Variants in KIAA1549L observed in about 807,000 individuals in gnomAD.
The protein encoded by KIAA1549L is KIAA1549 like.
KIAA1549L carries 88 observed loss-of-function variants against 160.7 expected under a neutral mutation model. The observed-to-expected ratio is 0.55, with a 90% CI of 0.46 to 0.65. The LOEUF (loss-of-function observed/expected upper bound fraction) is 0.65, where lower values mean the gene tolerates loss of function less well. Among genes scored for constraint, KIAA1549L ranks in the 30% least tolerant of loss-of-function variants. The pLI is 0.00. For missense variants in KIAA1549L, 2,258 were observed against 2,437.5 expected (o/e 0.93, Z 1.55); for synonymous variants, 950 against 976.7 (o/e 0.97, Z 0.51).
intron 1 of KIAA1549L, among the ~76,000 whole-genome samples, chr11:33,443,891 A>G (rs1277576012): frequency 6.6e-6 from 1 of 152,250 alleles, no homozygotes; most frequent in African/African-American, 2.4e-5. Context: ...AAATGAGGAA[A>G]TGGAGCTGGC....
intron 1 of KIAA1549L, among the ~76,000 whole-genome samples, chr11:33,384,780 T>C (rs1259763013): frequency 1.3e-5 from 2 of 152,194 alleles, no homozygotes; most frequent in African/African-American, 4.8e-5. Flanking sequence ...TGTTAAGTTA[T>C]TTTGCCCATT....
At chr11:33,526,910 A>G (rs181417238) in intron 1 of KIAA1549L, among the ~76,000 whole-genome samples, 1 of 152,324 alleles carries the variant, frequency 6.6e-6, no homozygotes, top group East Asian at 1.9e-4. Flanking sequence ...AAAAAATAAT[A>G]GAGGATATGG....
At chr11:33,422,312 C>T (rs1190048062) in intron 1 of KIAA1549L, among the ~76,000 whole-genome samples, 1 of 152,118 alleles carries the variant, frequency 6.6e-6, no homozygotes, top group African/African-American at 2.4e-5. Flanking sequence ...GTATTCCTTC[C>T]CCAATACATT....
intron 17 of KIAA1549L, among the ~76,000 whole-genome samples, chr11:33,647,926 A>G (rs1213906604): frequency 6.6e-6 from 1 of 152,216 alleles, no homozygotes; most frequent in Non-Finnish European, 1.5e-5. Flanking sequence ...AGCCACCTAC[A>G]GTGGAAAAGG....
intron 1 of KIAA1549L, among the ~76,000 whole-genome samples, chr11:33,529,749 T>C (rs1349874038): frequency 6.6e-6 from 1 of 152,202 alleles, no homozygotes; most frequent in Non-Finnish European, 1.5e-5. Flanking sequence ...CCATAAATAT[T>C]TGTGGAATAA....
intron 16 of KIAA1549L, among the ~76,000 whole-genome samples, chr11:33,630,175 C>G (rs1259073508): frequency 6.6e-6 from 1 of 151,852 alleles, no homozygotes; most frequent in Non-Finnish European, 1.5e-5. Context: ...GACCACAGCT[C>G]TCTTCAAAGC....
intron 16 of KIAA1549L, among the ~76,000 whole-genome samples, chr11:33,634,668 T>TAATG (rs1851391871): frequency 6.6e-6 from 1 of 152,192 alleles, no homozygotes; most frequent in Non-Finnish European, 1.5e-5. Flanking sequence ...GGGCAGTGAG[T>TAATG]AATGCTGAGA....
intron 1 of KIAA1549L, among the ~76,000 whole-genome samples, chr11:33,439,686 C>T (rs1320182423): frequency 6.6e-6 from 1 of 151,580 alleles, no homozygotes; most frequent in East Asian, 1.9e-4. Flanking sequence ...GCTGGGATTA[C>T]AGCCACCGTG....
intron 13 of KIAA1549L, among the ~76,000 whole-genome samples, chr11:33,604,506 A>T (rs1056508260): frequency 1.3e-5 from 2 of 152,214 alleles, no homozygotes; most frequent in Admixed American, 6.5e-5. Flanking sequence ...ACACTTGCAC[A>T]TGTGTGTTTA....
intron 1 of KIAA1549L, among the ~76,000 whole-genome samples, chr11:33,405,554 C>T (rs1347181949): frequency 1.4e-5 from 2 of 141,488 alleles, no homozygotes; most frequent in African/African-American, 2.6e-5. Flanking sequence ...TCTAAAGAAT[C>T]AAAAGCTGTC....
chr11:33,539,242 A>G (rs1265596925), intron 1 of KIAA1549L, among the ~76,000 whole-genome samples: 2 of 152,228 alleles, frequency 1.3e-5, no homozygotes, highest in East Asian at 3.8e-4. Context: ...TGTTTGAGAA[A>G]TATTGGCTAA....
intron 16 of KIAA1549L, among the ~76,000 whole-genome samples, chr11:33,640,142 T>C (rs1207907792): frequency 6.6e-6 from 1 of 152,194 alleles, no homozygotes; most frequent in African/African-American, 2.4e-5. Context: ...ATATATAAAA[T>C]ATACATATAT....
intron 1 of KIAA1549L, chr11:33,451,092 G>A (rs567100482): frequency 6.6e-6 from 1 of 152,276 alleles, no homozygotes; most frequent in African/African-American, 2.4e-5. Context: ...CACTTCTGTT[G>A]GTAGTGATAA....
chr11:33,637,445 C>A (rs534199125), intron 16 of KIAA1549L, among the ~76,000 whole-genome samples: 1 of 152,348 alleles, frequency 6.6e-6, no homozygotes, highest in South Asian at 2.1e-4. Context: ...CTTACCATGG[C>A]CTTTAAGACC....
intron 1 of KIAA1549L, among the ~76,000 whole-genome samples, chr11:33,435,804 A>ATG (rs1224054996): frequency 1.8e-4 from 3 of 17,138 alleles, no homozygotes; most frequent in Non-Finnish European, 2.9e-4. Context: ...ATATATATAT[A>ATG]TATATATGTG....
chr11:33,470,972 G>C (rs939522406), intron 1 of KIAA1549L, among the ~76,000 whole-genome samples: 2 of 152,054 alleles, frequency 1.3e-5, no homozygotes, highest in African/African-American at 2.4e-5. Context: ...TGATTTGTTA[G>C]GTGTTTCCAT....
chr11:33,449,760 G>A (rs7951843), intron 1 of KIAA1549L, among the ~76,000 whole-genome samples: 30,855 of 152,078 alleles, frequency 0.2, 3,657 homozygotes, highest in Middle Eastern at 0.31. Flanking sequence ...CTAGCCTAGG[G>A]TAACTAGATG....
At chr11:33,527,501 GA>G (rs2133139480) in intron 1 of KIAA1549L, among the ~76,000 whole-genome samples, 1 of 152,190 alleles carries the variant, frequency 6.6e-6, no homozygotes, top group East Asian at 1.9e-4. Context: ...GATAACATTG[GA>G]AAAACTCTTC....
chr11:33,435,818 GTATATATATATATGTATATGTATA>G (rs1851362313), intron 1 of KIAA1549L, among the ~76,000 whole-genome samples: 16 of 45,204 alleles, frequency 3.5e-4, no homozygotes, highest in South Asian at 1.9e-3. Flanking sequence ...ATATGTGTGT[GTATATATATATATGTATATGTATA>G]TGTGTGTGTG....
Sources: gnomAD v4.1 joint callset for allele counts (sites outside exome capture counted in the v4.1 genomes callset) on GRCh38, gnomAD v4.1.1 for gene constraint, MANE v1.5 for transcripts, NCBI Gene and HGNC (gene_info 2026-07-23, HGNC 2026-07-21) for gene names.